HERC4: variants seen among roughly 807,000 people sequenced by gnomAD.
HERC4 encodes the protein HECT and RLD domain containing E3 ubiquitin protein ligase 4.
A neutral mutation model predicts 124.3 loss-of-function variants in HERC4; 28 were observed. That is an observed-to-expected ratio of 0.23 (90% confidence interval 0.17 to 0.31). HERC4 has a LOEUF of 0.31. Among genes scored for constraint, HERC4 ranks in the 10% least tolerant of loss-of-function variants. HERC4 has a pLI of 1.00. For synonymous variants in HERC4, 407 were observed against 421.5 expected (o/e 0.97, Z 0.42); for missense variants, 713 against 1,229.3 (o/e 0.58, Z 6.28).
chr10:68,061,924 T>G (rs1457927479), intron 3 of HERC4, among the ~76,000 whole-genome samples: 1 of 132,852 alleles, frequency 7.5e-6, no homozygotes, highest in Non-Finnish European at 1.6e-5. Context: ...ATATAAAAAT[T>G]CAGGTTTACA....
chr10:67,982,181 A>G (rs1182609466), intron 15 of HERC4, among the ~76,000 whole-genome samples: 1 of 152,122 alleles, frequency 6.6e-6, no homozygotes, highest in African/African-American at 2.4e-5. Context: ...AAAGAACAAA[A>G]CTGCGAGGAA....
intron 9 of HERC4, among the ~76,000 whole-genome samples, chr10:68,009,021 G>C (rs1343800103): frequency 6.6e-6 from 1 of 152,090 alleles, no homozygotes; most frequent in Non-Finnish European, 1.5e-5. Flanking sequence ...AGAAGTCTGA[G>C]ACCAGACTGG....
chr10:67,958,049 C>T (rs1297812382), intron 16 of HERC4, among the ~76,000 whole-genome samples: 3 of 152,082 alleles, frequency 2.0e-5, no homozygotes, highest in African/African-American at 4.8e-5. Context: ...CCTCATGATC[C>T]GCCCACCTCG....
intron 5 of HERC4, among the ~76,000 whole-genome samples, chr10:68,037,442 T>C (rs532435098): frequency 2.6e-5 from 4 of 152,200 alleles, no homozygotes; most frequent in Non-Finnish European, 4.4e-5. Flanking sequence ...GCAGATTCTT[T>C]ACTAGCCCAT....
chr10:68,025,462 T>C, intron 8 of HERC4, 84 bp downstream of exon 8: 1 of 1,433,852 alleles, frequency 7.0e-7, no homozygotes. Context: ...CCTCAGATTA[T>C]TAGGATCTCT....
intron 9 of HERC4, chr10:67,993,952 G>A (rs985944223): frequency 6.6e-6 from 1 of 152,056 alleles, no homozygotes; most frequent in Non-Finnish European, 1.5e-5. Flanking sequence ...TCAAGGAAAT[G>A]ACCACATGTT....
At chr10:67,976,096 A>G (rs2035572567) in intron 15 of HERC4, among the ~76,000 whole-genome samples, 1 of 151,364 alleles carries the variant, frequency 6.6e-6, no homozygotes. Flanking sequence ...TGCTGTCCAC[A>G]GTGGAGTTGA....
rs866398065 is a variant in HERC4 at position 68,038,251 on chromosome 10, T to C, written c.387-82A>G. The C allele has an allele frequency of 7.7e-5, 50 of 645,950 alleles. No individual in the cohort carries two copies. In the Middle Eastern group the frequency reaches 1.9e-3, roughly 25 times the overall value. The allele number at this position is 645,950 out of a possible 1,614,324, so 40.0% of individuals were successfully genotyped here. On this transcript the variant is annotated intron_variant, in intron 4 of 24. Transcript: ENST00000373700. Reference sequence around the variant, plus strand: ...GAATGCTATTTATGTTATTTATTGATGGCCTACTATATGCACATAGGTCAT... The same window carrying C: ...GAATGCTATTTATGTTATTTATTGACGGCCTACTATATGCACATAGGTCAT...
At position 68,033,999 on chromosome 10, in the gene HERC4, G is replaced by A; in HGVS notation, c.651C>T (p.Asn217=). 1.2e-6 allele frequency: 2 copies of A among 1,614,082 alleles called. No individual in the cohort carries two copies. Among genetic ancestry groups the A allele is most frequent in the Non-Finnish European group, 1.7e-6 (2 of 1,180,006 alleles). The change falls in exon 6 of 25, where the codon AAC becomes AAT. Residue 217 remains asparagine, a synonymous_variant. Coordinates refer to ENST00000373700, the MANE Select transcript of HERC4 (RefSeq NM_015601.4). ...LSGAIFGWGR[N]KFGQLGLNDE... Reference sequence around the variant, plus strand: ...CATTAAGACCTAGCTGACCAAACTTGTTGCGTCCCCATCCAAAGATAGCTC... The same window carrying A: ...CATTAAGACCTAGCTGACCAAACTTATTGCGTCCCCATCCAAAGATAGCTC...
chr10:67,946,376 C>T (rs2033345698), intron 19 of HERC4, among the ~76,000 whole-genome samples: 1 of 151,042 alleles, frequency 6.6e-6, no homozygotes, highest in African/African-American at 2.4e-5. Context: ...CACACACACA[C>T]ACACACACAC....
chr10:68,005,755 G>A (rs1378264013), intron 9 of HERC4, among the ~76,000 whole-genome samples: 1 of 151,624 alleles, frequency 6.6e-6, no homozygotes, highest in African/African-American at 2.4e-5. Flanking sequence ...CCACACTGAA[G>A]TGCAGTGGCA....
chr10:68,032,770 T>C lies in HERC4; in HGVS notation c.777+8A>G. On this transcript the variant is annotated splice_region_variant and intron_variant, in intron 7 of 24. Transcript: ENST00000373700. ...AGTAATAATAAAGAAGTTTTAGAAG[T>C]ACAATACCTTGGTTAGAGCAGCAGT... is the stretch of plus-strand genomic sequence containing the variant. 1 of 1,419,364 alleles carries C rather than the reference T, an allele frequency of 7.0e-7. No homozygotes were observed. Among genetic ancestry groups the C allele is most frequent in the South Asian group, 1.2e-5 (1 of 86,782 alleles). 87.9% of individuals were successfully genotyped at this position (1,419,364 alleles called of 1,614,324 possible).
intron 23 of HERC4, among the ~76,000 whole-genome samples, chr10:67,926,899 G>A (rs2031043441): frequency 6.6e-6 from 1 of 152,020 alleles, no homozygotes; most frequent in Admixed American, 6.6e-5. Context: ...CTCTTATTAG[G>A]GCAAAGACCA....
chr10:67,941,669 C>CTTTTTTT (rs755666986), intron 19 of HERC4, among the ~76,000 whole-genome samples: 3 of 91,760 alleles, frequency 3.3e-5, no homozygotes, highest in African/African-American at 8.1e-5. Context: ...TAAAACACAA[C>CTTTTTTT]TTTTTTTTTT....
intron 19 of HERC4, among the ~76,000 whole-genome samples, chr10:67,947,994 A>G (rs2033512163): frequency 6.6e-6 from 1 of 151,936 alleles, no homozygotes; most frequent in South Asian, 2.1e-4. Flanking sequence ...CAGTCTAAAC[A>G]ATACACTCTT....
At chr10:67,972,249 C>T (rs960273375) in intron 15 of HERC4, among the ~76,000 whole-genome samples, 7 of 147,132 alleles carry the variant, frequency 4.8e-5, no homozygotes, top group Non-Finnish European at 6.0e-5. Context: ...AGGCCAGGCA[C>T]GGTGGCTCAC....
At chr10:68,066,678 G>T (rs1352818420) in intron 3 of HERC4, among the ~76,000 whole-genome samples, 3 of 152,272 alleles carry the variant, frequency 2.0e-5, no homozygotes, top group African/African-American at 4.8e-5. Context: ...AATCAATTCT[G>T]CAAGTCAGTT....
chr10:68,068,104 T>A (rs1018120742), intron 3 of HERC4: 2 of 152,084 alleles, frequency 1.3e-5, no homozygotes, highest in African/African-American at 4.8e-5. Flanking sequence ...TCCCAGCAAT[T>A]TGGGGAAGCC....
rs147811510 is a variant in HERC4, at chr10:68,066,473, T to C, written c.226+6410A>G. 2.0e-5 allele frequency among the ~76,000 whole-genome samples: 3 copies of C among 152,304 alleles called. No homozygotes were observed. In the East Asian group the frequency reaches 5.8e-4, roughly 29 times the overall value. On this transcript the variant is annotated intron_variant, in intron 3 of 24. Coordinates refer to ENST00000373700, the MANE Select transcript of HERC4 (RefSeq NM_015601.4). ...AACATACCCAAGAGAAAATCACTGG[T>C]TCCAAGTACTTTAAAGAAGTTTCCC...
Sources: gnomAD v4.1 joint callset for allele counts (sites outside exome capture counted in the v4.1 genomes callset) on GRCh38, gnomAD v4.1.1 for gene constraint, MANE v1.5 for transcripts, NCBI Gene and HGNC (gene_info 2026-07-23, HGNC 2026-07-21) for gene names.